Variants in ZNF804B observed in about 807,000 individuals in gnomAD.
The protein encoded by ZNF804B is zinc finger protein 804B.
A neutral mutation model predicts 101.4 loss-of-function variants in ZNF804B; 80 were observed. That is an observed-to-expected ratio of 0.79 (90% CI 0.66 to 0.95). ZNF804B has a LOEUF of 0.95. ZNF804B is among the 40% of genes least tolerant of loss of function. The pLI, the probability that ZNF804B is intolerant of heterozygous loss-of-function variation, is 0.00. For synonymous variants in ZNF804B, 622 were observed against 558.8 expected (o/e 1.11, Z -1.59); for missense variants, 1,673 against 1,561.9 (o/e 1.07, Z -1.20).
intron 1 of ZNF804B, among the ~76,000 whole-genome samples, chr7:89,190,515 A>G (rs1733315622): frequency 6.6e-6 from 1 of 152,138 alleles, no homozygotes; most frequent in Non-Finnish European, 1.5e-5. Context: ...TGCTATGAAC[A>G]TTGTTCAAAT....
chr7:89,006,824 T>TC (rs1331696746), intron 1 of ZNF804B, among the ~76,000 whole-genome samples: 2 of 152,154 alleles, frequency 1.3e-5, no homozygotes, highest in African/African-American at 4.8e-5. Context: ...AATTTTTTTT[T>TC]CTTAACTGAT....
intron 1 of ZNF804B, among the ~76,000 whole-genome samples, chr7:88,983,915 C>G (rs73707715): frequency 0.01 from 1,580 of 152,094 alleles, 21 homozygotes; most frequent in African/African-American, 0.036. Flanking sequence ...TATGCTATAT[C>G]TGACAAATCT....
intron 1 of ZNF804B, among the ~76,000 whole-genome samples, chr7:88,877,696 G>C (rs1012311420): frequency 6.6e-6 from 1 of 152,048 alleles, no homozygotes; most frequent in Non-Finnish European, 1.5e-5. Context: ...GATTAAATGT[G>C]ATACAGAATT....
chr7:88,849,622 C>T (rs1164292624), intron 1 of ZNF804B, among the ~76,000 whole-genome samples: 1 of 151,588 alleles, frequency 6.6e-6, no homozygotes, highest in Non-Finnish European at 1.5e-5. Context: ...GCCTCAGACT[C>T]CCAAGTAACT....
intron 2 of ZNF804B, among the ~76,000 whole-genome samples, chr7:89,229,933 A>G (rs1055071839): frequency 5.3e-5 from 8 of 152,228 alleles, no homozygotes; most frequent in African/African-American, 1.9e-4. Flanking sequence ...ACCCTTGGAG[A>G]TTAAAAACAC....
intron 1 of ZNF804B, among the ~76,000 whole-genome samples, chr7:89,114,442 G>A (rs1437620238): frequency 2.0e-5 from 3 of 152,166 alleles, no homozygotes; most frequent in African/African-American, 7.2e-5. Context: ...ATGCAGAGAT[G>A]TCAGACATTG....
intron 1 of ZNF804B, among the ~76,000 whole-genome samples, chr7:89,164,486 C>T (rs747374626): frequency 5.9e-5 from 9 of 152,146 alleles, no homozygotes; most frequent in Non-Finnish European, 1.2e-4. Context: ...AATGAATGGT[C>T]AGCTCACAGG....
intron 1 of ZNF804B, among the ~76,000 whole-genome samples, chr7:88,953,356 G>A (rs1793253854): frequency 6.6e-6 from 1 of 151,642 alleles, no homozygotes; most frequent in Non-Finnish European, 1.5e-5. Context: ...CACTTTCTCA[G>A]ATAGACCTCC....
intron 2 of ZNF804B, among the ~76,000 whole-genome samples, chr7:89,271,515 G>A (rs1236397598): frequency 2.0e-5 from 3 of 152,038 alleles, no homozygotes; most frequent in African/African-American, 7.2e-5. Flanking sequence ...CAGGGATATT[G>A]GTCTAAAATT....
At chr7:89,116,707 C>T (rs1790317148) in intron 1 of ZNF804B, among the ~76,000 whole-genome samples, 2 of 151,900 alleles carry the variant, frequency 1.3e-5, no homozygotes, top group Non-Finnish European at 1.5e-5. Context: ...ATTTATTTAC[C>T]AGCGTATTTC....
chr7:88,856,763 T>C (rs937000873), intron 1 of ZNF804B, among the ~76,000 whole-genome samples: 1 of 152,182 alleles, frequency 6.6e-6, no homozygotes, highest in Non-Finnish European at 1.5e-5. Flanking sequence ...TAGCTCTTAT[T>C]ATTTTGAGAT....
At chr7:88,779,150 A>G (rs1790188224) in intron 1 of ZNF804B, among the ~76,000 whole-genome samples, 1 of 152,218 alleles carries the variant, frequency 6.6e-6, no homozygotes, top group Admixed American at 6.5e-5. Flanking sequence ...TCCAGCTAGA[A>G]TGGCTTTAGG....
chr7:88,862,264 C>T (rs1380833047), intron 1 of ZNF804B, among the ~76,000 whole-genome samples: 1 of 152,032 alleles, frequency 6.6e-6, no homozygotes, highest in Non-Finnish European at 1.5e-5. Flanking sequence ...GGGAAAAAAC[C>T]CTCATACTTT....
intron 2 of ZNF804B, among the ~76,000 whole-genome samples, chr7:89,250,858 A>G (rs1789529134): frequency 6.6e-6 from 1 of 152,222 alleles, no homozygotes; most frequent in Non-Finnish European, 1.5e-5. Flanking sequence ...ATCTCAATAG[A>G]CGTGAGAAAA....
chr7:88,872,227 T>A (rs1013674750), intron 1 of ZNF804B, among the ~76,000 whole-genome samples: 1 of 152,144 alleles, frequency 6.6e-6, no homozygotes, highest in Non-Finnish European at 1.5e-5. Context: ...CACAGTTCAG[T>A]ATTACACAGA....
chr7:89,032,348 A>C (rs750417496), intron 1 of ZNF804B, among the ~76,000 whole-genome samples: 7 of 151,978 alleles, frequency 4.6e-5, no homozygotes, highest in Non-Finnish European at 1.0e-4. Flanking sequence ...AAGGGGGATA[A>C]ATTCAGACTC....
At chr7:89,172,385 G>C (rs895386331) in intron 1 of ZNF804B, among the ~76,000 whole-genome samples, 4 of 152,102 alleles carry the variant, frequency 2.6e-5, no homozygotes, top group African/African-American at 9.7e-5. Flanking sequence ...AGATATCCTA[G>C]TTAAGCAATT....
intron 1 of ZNF804B, among the ~76,000 whole-genome samples, chr7:88,878,093 A>T (rs1415171113): frequency 1.3e-5 from 2 of 152,206 alleles, no homozygotes. Flanking sequence ...GTACATTTTA[A>T]CTGAAATAAA....
intron 2 of ZNF804B, among the ~76,000 whole-genome samples, chr7:89,261,456 A>G (rs974895417): frequency 2.0e-5 from 3 of 152,138 alleles, no homozygotes; most frequent in Non-Finnish European, 4.4e-5. Context: ...TAGTTATTGA[A>G]AAAATACTGT....
Sources: gnomAD v4.1 joint callset for allele counts (sites outside exome capture counted in the v4.1 genomes callset) on GRCh38, gnomAD v4.1.1 for gene constraint, MANE v1.5 for transcripts, NCBI Gene and HGNC (gene_info 2026-07-23, HGNC 2026-07-21) for gene names.